TMEM131: variants seen among roughly 807,000 people sequenced by gnomAD.
TMEM131 encodes transmembrane protein 131.
In TMEM131, 66 loss-of-function variants were observed where a neutral mutation model predicts 211.6. The observed-to-expected ratio is 0.31, with a 90% CI of 0.26 to 0.38. The LOEUF (loss-of-function observed/expected upper bound fraction) is 0.38. Among genes scored for constraint, TMEM131 ranks in the 10% least tolerant of loss-of-function variants. The probability of loss-of-function intolerance (pLI) is 1.00; values close to 1 mark genes in which losing one functional copy is unlikely to be tolerated. For missense variants in TMEM131, 2,036 were observed against 2,299.3 expected (o/e 0.89, Z 2.34); for synonymous variants, 844 against 841.3 (o/e 1.00, Z -0.06).
At chr2:97,915,619 T>C (rs1177723068) in intron 2 of TMEM131, among the ~76,000 whole-genome samples, 1 of 152,208 alleles carries the variant, frequency 6.6e-6, no homozygotes, top group East Asian at 1.9e-4. Context: ...GTGCTAGAAT[T>C]ACAGGCATGA....
At chr2:97,970,070 T>C (rs1679232168) in intron 1 of TMEM131, among the ~76,000 whole-genome samples, 1 of 152,222 alleles carries the variant, frequency 6.6e-6, no homozygotes, top group Non-Finnish European at 1.5e-5. Flanking sequence ...AAACGTGCTA[T>C]TGTGAGCCCT....
At chr2:97,913,070 T>G (rs1282504990) in intron 2 of TMEM131, 4 of 152,158 alleles carry the variant, frequency 2.6e-5, no homozygotes, top group African/African-American at 9.7e-5. Flanking sequence ...GGGTTTTTAT[T>G]AACACCAAAA....
At chr2:97,816,524 C>T (rs1215345416) in intron 12 of TMEM131, among the ~76,000 whole-genome samples, 1 of 152,006 alleles carries the variant, frequency 6.6e-6, no homozygotes, top group African/African-American at 2.4e-5. Context: ...ATGTGAGTTC[C>T]GCAAATGTGT....
intron 4 of TMEM131, among the ~76,000 whole-genome samples, chr2:97,874,957 G>A (rs1310115098): frequency 6.6e-6 from 1 of 152,148 alleles, no homozygotes; most frequent in East Asian, 1.9e-4. Context: ...CCATCAGTGT[G>A]CTGTACTCAG....
chr2:97,855,415 A>G (rs1673800265), intron 5 of TMEM131, among the ~76,000 whole-genome samples: 1 of 152,200 alleles, frequency 6.6e-6, no homozygotes, highest in African/African-American at 2.4e-5. Flanking sequence ...AAATGGCATT[A>G]TAGGCAAGGC....
intron 1 of TMEM131, among the ~76,000 whole-genome samples, chr2:97,962,757 T>C (rs1286495615): frequency 6.6e-6 from 1 of 152,222 alleles, no homozygotes; most frequent in Non-Finnish European, 1.5e-5. Flanking sequence ...GCTTTAATCA[T>C]AATAGCCCTA....
rs535284387 is a variant in TMEM131, at chr2:97,938,472, G to C, written c.188-10985C>G. Among the ~76,000 whole-genome samples the C allele has an allele frequency of 2.0e-5, 3 of 152,254 alleles. No individual in the cohort carries two copies. In the East Asian group the frequency reaches 5.8e-4, roughly 29 times the overall value. The stretch of plus-strand genomic sequence containing the variant: ...GGTAAAGGGATCAATTCAACAAGAA[G>C]AACTAACTATCCTAAATATATATGC... On this transcript the variant is annotated intron_variant, in intron 1 of 40. Transcript: ENST00000186436.
chr2:97,809,773 A>G lies in TMEM131; in HGVS notation c.1970T>C (p.Ile657Thr). The change falls in exon 19 of 41, where the codon ATC (isoleucine) becomes ACC (threonine). Residue 657 changes from isoleucine (I) to threonine (T), a missense_variant and splice_region_variant. Coordinates refer to ENST00000186436, the MANE Select transcript of TMEM131 (RefSeq NM_015348.2). The stretch of plus-strand genomic sequence containing the variant: ...CACAGCCTTCACAGGGATTGTCAGG[A>G]TCTGTGAAGTCAAGAAGATGATGAT... ...GAIQITTDYE[I>T]LTIPVKAVIA... The G allele has an allele frequency of 1.3e-6, 2 of 1,598,576 alleles. No individual in the cohort carries two copies. Among genetic ancestry groups the G allele is most frequent in the Non-Finnish European group, 1.7e-6 (2 of 1,171,822 alleles).
chr2:97,994,411 A>T (rs991270282), intron 1 of TMEM131, among the ~76,000 whole-genome samples: 1 of 152,254 alleles, frequency 6.6e-6, no homozygotes, highest in African/African-American at 2.4e-5. Flanking sequence ...AAGAAACAGT[A>T]TACTGAAGCA....
Position 97,757,247 on chromosome 2 carries a change from T to C in TMEM131, c.5504A>G (p.Glu1835Gly), listed in dbSNP as rs1052336476. ...TLASIGLMGTENSPAPHAPST... is the reference protein window; with the variant it reads ...TLASIGLMGTGNSPAPHAPST... Reference sequence around the variant, plus strand: ...GGGAGCGTGAGGAGCAGGGGAGTTTTCTGTGCCCATGAGGCCGATGCTTGC... The same window carrying C: ...GGGAGCGTGAGGAGCAGGGGAGTTTCCTGTGCCCATGAGGCCGATGCTTGC... Residue 1835 changes from glutamate to glycine, a missense_variant, in exon 41 of 41, where the codon GAA becomes GGA. Physicochemically the swap from Glu to Gly is moderately conservative, Grantham distance 98. Around this residue, in one of 3 missense-constraint regions of TMEM131, gnomAD observed 1,623 missense variants for 1,805.9 expected, o/e 0.90. Transcript: ENST00000186436. 11 of 1,613,990 alleles carry C rather than the reference T, an allele frequency of 6.8e-6. No homozygotes were observed. The highest frequency in any genetic ancestry group is 9.3e-6 in the Non-Finnish European group (11 of 1,179,892).
At chr2:97,994,069 G>A (rs2104693884) in intron 1 of TMEM131, among the ~76,000 whole-genome samples, 1 of 152,270 alleles carries the variant, frequency 6.6e-6, no homozygotes, top group South Asian at 2.1e-4. Flanking sequence ...ACCCACCAAG[G>A]TCTACTTGAA....
chr2:97,972,065 G>A (rs919314871), intron 1 of TMEM131, among the ~76,000 whole-genome samples: 3 of 151,862 alleles, frequency 2.0e-5, no homozygotes, highest in African/African-American at 2.4e-5. Flanking sequence ...AAAATTAGCC[G>A]GGAGTGGTGC....
At chr2:97,774,615 CAT>C (rs1162640137) in intron 32 of TMEM131, among the ~76,000 whole-genome samples, 2 of 152,304 alleles carry the variant, frequency 1.3e-5, no homozygotes, top group East Asian at 3.9e-4. Context: ...CTAAGAATGA[CAT>C]CAGTGGGTGA....
chr2:97,894,565 T>C (rs563923824), intron 3 of TMEM131, among the ~76,000 whole-genome samples: 1 of 152,206 alleles, frequency 6.6e-6, no homozygotes, highest in Non-Finnish European at 1.5e-5. Context: ...CCTTGAGCAG[T>C]GGTTTGTAGT....
chr2:97,839,462 A>C (rs1385376507), intron 7 of TMEM131, among the ~76,000 whole-genome samples: 1 of 152,240 alleles, frequency 6.6e-6, no homozygotes. Context: ...CAAACAAATA[A>C]TTACACTAAA....
At chr2:97,990,969 T>C (rs1419996650) in intron 1 of TMEM131, among the ~76,000 whole-genome samples, 1 of 152,202 alleles carries the variant, frequency 6.6e-6, no homozygotes, top group African/African-American at 2.4e-5. Flanking sequence ...TGATAGAACA[T>C]GTGACTATGA....
intron 4 of TMEM131, among the ~76,000 whole-genome samples, chr2:97,872,117 CAAAG>C (rs1048967160): frequency 3.3e-5 from 5 of 151,978 alleles, no homozygotes; most frequent in African/African-American, 9.7e-5. Flanking sequence ...AGTCTGAAAA[CAAAG>C]AAAGCTAATT....
At chr2:97,809,438 C>T (rs1247673876) in intron 19 of TMEM131, among the ~76,000 whole-genome samples, 1 of 152,220 alleles carries the variant, frequency 6.6e-6, no homozygotes, top group East Asian at 1.9e-4. Context: ...TTTATTTTCA[C>T]TCCTCTTAGG....
chr2:97,861,478 G>A (rs1394580955), intron 4 of TMEM131, among the ~76,000 whole-genome samples: 1 of 151,724 alleles, frequency 6.6e-6, no homozygotes, highest in Non-Finnish European at 1.5e-5. Flanking sequence ...GGATTGGGGA[G>A]GGAGCCCAAT....
Sources: allele counts gnomAD v4.1 joint callset (sites outside exome capture counted in the v4.1 genomes callset), GRCh38; gene constraint gnomAD v4.1.1; regional missense constraint gnomAD v4.1.1; transcripts MANE v1.5; gene names NCBI Gene and HGNC (gene_info 2026-07-23, HGNC 2026-07-21).